The following UST variants were observed in gnomAD, a reference collection of about 807,000 sequenced individuals.
The protein encoded by UST is uronyl 2-sulfotransferase, also known as chondroitin sulfate 2-O-sulfotransferase.
UST carries 21 observed loss-of-function variants against 45.6 expected under a neutral mutation model. The ratio of observed to expected loss-of-function variants is 0.46; its 90% CI spans 0.33 to 0.66. The LOEUF (loss-of-function observed/expected upper bound fraction) is 0.66, where lower values mean the gene tolerates loss of function less well. Ranked by LOEUF, UST falls within the 30% of genes least tolerant of loss-of-function variation. The probability of loss-of-function intolerance (pLI) is 0.02; values close to 1 mark genes in which losing one functional copy is unlikely to be tolerated. For synonymous variants in UST, 215 were observed against 200.6 expected (o/e 1.07, Z -0.61); for missense variants, 463 against 512.4 (o/e 0.90, Z 0.93).
intron 2 of UST, among the ~76,000 whole-genome samples, chr6:148,918,031 C>T (rs1739524685): frequency 6.6e-6 from 1 of 152,140 alleles, no homozygotes. Flanking sequence ...TGCCATGCAC[C>T]AGAAGGGGCA....
intron 7 of UST, among the ~76,000 whole-genome samples, chr6:149,049,931 T>TCTCTCACACACA (rs1475301439): frequency 1.5e-5 from 2 of 134,476 alleles, no homozygotes; most frequent in Admixed American, 7.5e-5. Context: ...TCTCTCTCTC[T>TCTCTCACACACA]CACACACACA....
At chr6:148,796,978 T>A (rs188107602) in intron 1 of UST, among the ~76,000 whole-genome samples, 1 of 151,946 alleles carries the variant, frequency 6.6e-6, no homozygotes, top group Non-Finnish European at 1.5e-5. Context: ...ATGTTTTGTA[T>A]TTTTAGTAGA....
At chr6:149,072,378 G>T (rs1471475269) in intron 7 of UST, among the ~76,000 whole-genome samples, 1 of 152,202 alleles carries the variant, frequency 6.6e-6, no homozygotes, top group East Asian at 1.9e-4. Flanking sequence ...TCTGGGCCAG[G>T]CATGGTGGCT....
chr6:149,038,212 T>C (rs138101259), intron 7 of UST, among the ~76,000 whole-genome samples: 45 of 151,936 alleles, frequency 3.0e-4, no homozygotes, highest in African/African-American at 1.1e-3. Flanking sequence ...CCCCTAACGT[T>C]ACCCAAGAAT....
intron 1 of UST, among the ~76,000 whole-genome samples, chr6:148,821,826 A>C (rs1255250376): frequency 6.6e-6 from 1 of 152,178 alleles, no homozygotes; most frequent in Non-Finnish European, 1.5e-5. Flanking sequence ...TATCTTTATC[A>C]GTACAGATTC....
At chr6:148,992,489 A>G (rs1271720839) in intron 5 of UST, among the ~76,000 whole-genome samples, 6 of 152,176 alleles carry the variant, frequency 3.9e-5, no homozygotes, top group African/African-American at 1.4e-4. Flanking sequence ...ACAAAAAACA[A>G]AAACAGTTTT....
intron 5 of UST, among the ~76,000 whole-genome samples, chr6:148,976,934 T>C (rs972609241): frequency 6.6e-6 from 1 of 152,152 alleles, no homozygotes; most frequent in Non-Finnish European, 1.5e-5. Flanking sequence ...AAGGATCTTA[T>C]TAACTCTGAA....
chr6:148,922,217 G>T (rs1400294920), intron 2 of UST, among the ~76,000 whole-genome samples: 1 of 152,040 alleles, frequency 6.6e-6, no homozygotes, highest in Non-Finnish European at 1.5e-5. Context: ...ACTCCAAAAA[G>T]AAACCCTGTA....
intron 7 of UST, among the ~76,000 whole-genome samples, chr6:149,053,691 A>G (rs766376142): frequency 1.3e-5 from 2 of 152,258 alleles, no homozygotes; most frequent in African/African-American, 2.4e-5. Context: ...TAATTATCTC[A>G]TAAACATTCT....
chr6:148,837,668 C>A (rs571787415), intron 1 of UST, among the ~76,000 whole-genome samples: 80 of 151,636 alleles, frequency 5.3e-4, no homozygotes, highest in African/African-American at 1.8e-3. Context: ...CAGCAGAGAA[C>A]AAGAGATACA....
chr6:149,048,492 G>A (rs1776425635), intron 7 of UST, among the ~76,000 whole-genome samples: 1 of 151,214 alleles, frequency 6.6e-6, no homozygotes, highest in Non-Finnish European at 1.5e-5. Flanking sequence ...GCCGAGATGG[G>A]GCCACTGCAT....
At chr6:148,876,896 C>T (rs915854634) in intron 1 of UST, among the ~76,000 whole-genome samples, 1 of 147,352 alleles carries the variant, frequency 6.8e-6, no homozygotes, top group Non-Finnish European at 1.5e-5. Context: ...AGGGATGAGA[C>T]CAGAGGGTAT....
At chr6:148,988,592 A>AG (rs1171779321) in intron 5 of UST, among the ~76,000 whole-genome samples, 1 of 151,032 alleles carries the variant, frequency 6.6e-6, no homozygotes, top group Non-Finnish European at 1.5e-5. Flanking sequence ...AAAAAAAAAA[A>AG]AGCAAAAAAC....
At chr6:148,971,785 C>T (rs899514988) in intron 5 of UST, among the ~76,000 whole-genome samples, 10 of 152,082 alleles carry the variant, frequency 6.6e-5, no homozygotes, top group Non-Finnish European at 1.3e-4. Flanking sequence ...TGGGGAGGCA[C>T]TAAAGGACTT....
At chr6:149,062,089 T>C (rs1267379250) in intron 7 of UST, among the ~76,000 whole-genome samples, 1 of 152,248 alleles carries the variant, frequency 6.6e-6, no homozygotes, top group Non-Finnish European at 1.5e-5. Context: ...TCTACATAGC[T>C]ATTTGTGTTT....
intron 1 of UST, among the ~76,000 whole-genome samples, chr6:148,796,237 C>G (rs1776945776): frequency 1.3e-5 from 2 of 152,180 alleles, no homozygotes; most frequent in African/African-American, 4.8e-5. Flanking sequence ...AGATTTTGGT[C>G]AAACATTTCT....
chr6:149,003,443 A>C (rs1489022456), intron 5 of UST, among the ~76,000 whole-genome samples: 1 of 136,454 alleles, frequency 7.3e-6, no homozygotes, highest in African/African-American at 2.9e-5. Context: ...AAAAAACAAA[A>C]CAAAAAAAAA....
intron 5 of UST, among the ~76,000 whole-genome samples, chr6:149,012,796 T>G (rs1461892276): frequency 7.4e-6 from 1 of 135,204 alleles, no homozygotes; most frequent in East Asian, 2.0e-4. Context: ...TTAGCCAGAG[T>G]CACTATTTAA....
rs554773323 is a variant in UST at position 148,882,981 on chromosome 6, C to T, written c.248-4005C>T. Among the ~76,000 whole-genome samples, 5 of 152,326 alleles carry T rather than the reference C, an allele frequency of 3.3e-5. No homozygotes were observed. In the South Asian group the frequency reaches 1.0e-3, roughly 32 times the overall value. On this transcript the variant is annotated intron_variant, in intron 1 of 7. Transcript: ENST00000367463. ...ATGAGGAGGTAGAGAACTAGTGCGGCCCACATTGCCCACATCTCTTCTTAC... is the reference window on the plus strand; with the variant it reads ...ATGAGGAGGTAGAGAACTAGTGCGGTCCACATTGCCCACATCTCTTCTTAC...
Sources: gnomAD v4.1 joint callset for allele counts (sites outside exome capture counted in the v4.1 genomes callset) on GRCh38, gnomAD v4.1.1 for gene constraint, MANE v1.5 for transcripts, NCBI Gene and HGNC (gene_info 2026-07-23, HGNC 2026-07-21) for gene names.